The following CAST variants were observed in gnomAD, a reference collection of about 807,000 sequenced individuals.
The protein encoded by CAST is calpastatin.
In CAST, 76 loss-of-function variants were observed where a neutral mutation model predicts 119.6. The ratio of observed to expected loss-of-function variants is 0.64; its 90% CI spans 0.53 to 0.77. CAST has a LOEUF of 0.77. Among genes scored for constraint, CAST ranks in the 30% least tolerant of loss-of-function variants. CAST has a pLI of 0.00. For synonymous variants in CAST, 319 were observed against 331.6 expected, an observed-to-expected ratio of 0.96 and a Z score of 0.41; for missense variants, 953 against 946.5, an observed-to-expected ratio of 1.01 and a Z score of -0.09.
intron 1 of CAST, among the ~76,000 whole-genome samples, chr5:96,598,767 T>TC (rs1301452974): frequency 6.6e-6 from 1 of 152,116 alleles, no homozygotes; most frequent in Non-Finnish European, 1.5e-5. Context: ...GCACATTCCC[T>TC]CCCCAGTGTG....
chr5:96,347,128 T>C, the CAST span, among the ~76,000 whole-genome samples: 3,764 of 152,164 alleles, frequency 0.025, 154 homozygotes, highest in African/African-American at 0.086. Context: ...TCCGTGACTA[T>C]TCTTTGAGGA....
chr5:96,507,477 G>T, the CAST span, among the ~76,000 whole-genome samples: 2 of 152,150 alleles, frequency 1.3e-5, no homozygotes, highest in African/African-American at 4.8e-5. Context: ...TTATAAATGG[G>T]AATGAACCCA....
the CAST span, chr5:96,308,937 G>T: frequency 1.3e-5 from 2 of 152,524 alleles, no homozygotes; most frequent in African/African-American, 4.8e-5. Flanking sequence ...ACGGGGGTCA[G>T]GGACCCACTT....
chr5:96,662,915 C>T, intron 1 of CAST: 2 of 588,310 alleles, frequency 3.4e-6, no homozygotes, highest in East Asian at 5.8e-5. Context: ...GAGCCTCTTC[C>T]CTAACCAGCC....
the CAST span, among the ~76,000 whole-genome samples, chr5:96,158,329 T>C: frequency 1.3e-5 from 2 of 152,200 alleles, no homozygotes; most frequent in African/African-American, 4.8e-5. Flanking sequence ...TATCATGCAA[T>C]CTGTGTCTGT....
chr5:96,272,125 A>T, the CAST span, among the ~76,000 whole-genome samples: 13 of 152,274 alleles, frequency 8.5e-5, no homozygotes, highest in East Asian at 2.5e-3. Flanking sequence ...GCCAACAAAG[A>T]TGTGCAGAAA....
the CAST span, among the ~76,000 whole-genome samples, chr5:96,281,215 CA>C: frequency 2.6e-4 from 39 of 152,300 alleles, no homozygotes; most frequent in Middle Eastern, 3.4e-3. Flanking sequence ...TTGCAAATGA[CA>C]GAAACTCAAG....
At chr5:96,189,771 A>G in the CAST span, among the ~76,000 whole-genome samples, 12 of 152,104 alleles carry the variant, frequency 7.9e-5, no homozygotes, top group African/African-American at 2.9e-4. Flanking sequence ...AACTTTTAAC[A>G]GCTAGTTTTT....
the CAST span, among the ~76,000 whole-genome samples, chr5:96,135,643 C>CT: frequency 2.0e-5 from 3 of 152,156 alleles, no homozygotes; most frequent in African/African-American, 7.2e-5. Flanking sequence ...CAAGATTTCT[C>CT]TTTTTTCCCA....
chr5:96,671,509 C>T (rs1178549536), intron 1 of CAST, among the ~76,000 whole-genome samples: 1 of 152,022 alleles, frequency 6.6e-6, no homozygotes, highest in Non-Finnish European at 1.5e-5. Context: ...CCATGTAATC[C>T]TGAGTGGTAT....
intron 15 of CAST, 47 bp downstream of exon 15, chr5:96,741,627 C>G (rs952491895): frequency 1.3e-5 from 17 of 1,283,838 alleles, no homozygotes; most frequent in East Asian, 4.6e-5. Context: ...AGAGCCTGAT[C>G]TAGCTCATTC....
chr5:96,308,159 T>C, the CAST span, among the ~76,000 whole-genome samples: 1 of 152,054 alleles, frequency 6.6e-6, no homozygotes, highest in Non-Finnish European at 1.5e-5. Flanking sequence ...TTCTTTTCAC[T>C]CTTTTTTCTC....
intron 24 of CAST, among the ~76,000 whole-genome samples, chr5:96,758,732 C>T (rs979832635): frequency 1.3e-5 from 2 of 152,170 alleles, no homozygotes; most frequent in Admixed American, 6.5e-5. Flanking sequence ...CTCTGTACCC[C>T]TGTAAAAGCA....
the CAST span, among the ~76,000 whole-genome samples, chr5:96,443,059 A>G: frequency 6.6e-6 from 1 of 151,986 alleles, no homozygotes; most frequent in Non-Finnish European, 1.5e-5. Flanking sequence ...AGAAAATGCC[A>G]CTGAACTTGG....
Position 96,727,504 on chromosome 5 carries a change from C to A in CAST, c.352C>A (p.Pro118Thr). The change falls in exon 6 of 32, where the codon CCT (proline) becomes ACT (threonine). Residue 118 changes from proline (P) to threonine (T), a missense_variant. By Grantham distance (38) the Pro-to-Thr change is conservative. Coordinates refer to ENST00000675179, the MANE Select transcript of CAST (RefSeq NM_001750.7). ...CTGAACTTAGGCTGTAAAAACAGAA[C>A]CTGAGAAGAAGTCACAGTCAACCAA... ...KHKKQAVKTEPEKKSQSTKLS... is the reference protein window; with the variant it reads ...KHKKQAVKTETEKKSQSTKLS... 9 of 1,558,064 alleles carry A rather than the reference C, an allele frequency of 5.8e-6. No homozygotes were observed. The highest frequency in any genetic ancestry group is 6.1e-6 in the Non-Finnish European group (7 of 1,144,796).
chr5:96,389,348 C>G, the CAST span, among the ~76,000 whole-genome samples: 2 of 152,198 alleles, frequency 1.3e-5, no homozygotes, highest in African/African-American at 4.8e-5. Context: ...TTATATATCA[C>G]AATATCACAT....
At chr5:96,224,314 A>G in the CAST span, among the ~76,000 whole-genome samples, 1 of 152,214 alleles carries the variant, frequency 6.6e-6, no homozygotes, top group African/African-American at 2.4e-5. Context: ...AGTAGGCTGT[A>G]TAATGGCCAC....
At chr5:96,744,282 A>G (rs75163912) in intron 16 of CAST, among the ~76,000 whole-genome samples, 3,005 of 152,232 alleles carry the variant, frequency 0.02, 83 homozygotes, top group African/African-American at 0.069. Flanking sequence ...GTAATGTATA[A>G]AGGAAAGAAG....
At chr5:96,492,586 C>T in the CAST span, among the ~76,000 whole-genome samples, 2 of 152,164 alleles carry the variant, frequency 1.3e-5, no homozygotes, top group Non-Finnish European at 1.5e-5. Flanking sequence ...GAAGTTATTT[C>T]TTGTGTATTC....
Sources: allele counts gnomAD v4.1 joint callset (sites outside exome capture counted in the v4.1 genomes callset), GRCh38; gene constraint gnomAD v4.1.1; transcripts MANE v1.5; gene names NCBI Gene and HGNC (gene_info 2026-07-23, HGNC 2026-07-21).